Variants in ANO7 observed in about 807,000 individuals in gnomAD.
ANO7 encodes anoctamin-7.
ANO7 carries 114 observed loss-of-function variants against 115.8 expected under a neutral mutation model. The observed-to-expected ratio is 0.98, with a 90% CI of 0.85 to 1.15. ANO7 has a LOEUF of 1.15. Among genes scored for constraint, ANO7 ranks in the 50% most tolerant of loss-of-function variants. ANO7 has a pLI of 0.00. For synonymous variants in ANO7, 550 were observed against 498.2 expected, an observed-to-expected ratio of 1.10 and a Z score of -1.38; for missense variants, 1,302 against 1,201.2, an observed-to-expected ratio of 1.08 and a Z score of -1.24.
chr2:241,204,865 G>C lies in ANO7; in HGVS notation c.890G>C (p.Gly297Ala). ...TGGACCCCTGCCATCCTCTCTACAGGGTTTTACACAGGCTGGCTCCTGCCA... is the reference window on the plus strand; with the variant it reads ...TGGACCCCTGCCATCCTCTCTACAGCGTTTTACACAGGCTGGCTCCTGCCA... ...EKVALYFAWL[G>A]FYTGWLLPAA... Residue 297 changes from glycine (G) to alanine (A), a missense_variant and splice_region_variant, in exon 10 of 25, where the codon GGG (glycine) becomes GCG (alanine). Transcript: ENST00000674324. 6.2e-7 allele frequency: 1 copy of C among 1,613,610 alleles called. No homozygotes were observed. The highest frequency in any genetic ancestry group is 1.1e-5 in the South Asian group (1 of 91,056).
downstream of ANO7, chr2:241,230,341 C>A: frequency 1.1e-6 from 1 of 941,528 alleles, no homozygotes; most frequent in South Asian, 1.6e-5. The surrounding 1 kb of genome is among the most constrained non-coding windows in gnomAD (Gnocchi z 5.0). Flanking sequence ...GTGTCAATTT[C>A]TAGTGAAGCA....
chr2:241,190,224 G>T, intron 2 of ANO7, 53 bp downstream of exon 2: 1 of 1,468,244 alleles, frequency 6.8e-7, no homozygotes, highest in Non-Finnish European at 9.2e-7. Context: ...CCCCTGCCTG[G>T]GTCTATGCCC....
At chr2:241,199,548 C>T (rs2068421272) in intron 5 of ANO7, 125 bp downstream of exon 5, 1 of 901,934 alleles carries the variant, frequency 1.1e-6, no homozygotes, top group Non-Finnish European at 1.7e-6. Context: ...CTCCTCCTAC[C>T]CACCCCGACA....
At chr2:241,218,743 C>T (rs775473581) in intron 21 of ANO7, among the ~76,000 whole-genome samples, 1 of 152,136 alleles carries the variant, frequency 6.6e-6, no homozygotes, top group Non-Finnish European at 1.5e-5. Flanking sequence ...CGGAGCTCGC[C>T]GAAAAAGAAA....
chr2:241,194,720 C>T (rs1338240699), intron 3 of ANO7, among the ~76,000 whole-genome samples: 4 of 152,190 alleles, frequency 2.6e-5, no homozygotes, highest in African/African-American at 9.7e-5. Context: ...AGTTATTGTT[C>T]ATCTCTTACT....
At chr2:241,207,523 AG>A in intron 10 of ANO7, 50 bp from the exon 11 acceptor site, 1 of 1,531,278 alleles carries the variant, frequency 6.5e-7, no homozygotes. Context: ...GGGAGGAGCA[AG>A]CAGCCCCCCT....
intron 11 of ANO7, among the ~76,000 whole-genome samples, chr2:241,209,009 C>G (rs556215471): frequency 9.9e-5 from 15 of 152,136 alleles, no homozygotes; most frequent in African/African-American, 3.1e-4. Context: ...TTTAGCCGGG[C>G]GTGGTGGCGG....
At chr2:241,238,864 C>T in the ANO7 span, 2 of 1,215,426 alleles carry the variant, frequency 1.6e-6, no homozygotes, top group Non-Finnish European at 2.3e-6. This position sits in a 1 kb window ranked among gnomAD's most constrained non-coding sequence, Gnocchi z 4.9. Context: ...GCACTCTTCA[C>T]ACCACCTTCC....
chr2:241,236,894 C>T, the ANO7 span: 1 of 951,738 alleles, frequency 1.1e-6, no homozygotes, highest in African/African-American at 1.7e-5. Context: ...GAAAACCACT[C>T]CTGTCCTTCA....
At chr2:241,221,963 G>A (rs374139106) in intron 21 of ANO7, among the ~76,000 whole-genome samples, 58 of 152,236 alleles carry the variant, frequency 3.8e-4, no homozygotes, top group African/African-American at 1.1e-3. Context: ...GGCCGGGCGC[G>A]GGGGCTCATG....
the ANO7 span, chr2:241,236,345 G>A: frequency 2.4e-4 from 122 of 499,236 alleles, no homozygotes; most frequent in African/African-American, 1.3e-3. Context: ...CACAGCCCCC[G>A]CACCCACCGT....
intron 3 of ANO7, 57 bp downstream of exon 3, chr2:241,191,308 C>T: frequency 6.3e-7 from 1 of 1,598,412 alleles, no homozygotes; most frequent in Non-Finnish European, 8.6e-7. Flanking sequence ...GTGGGGACAC[C>T]ACGGGGGTGC....
intron 6 of ANO7, 67 bp downstream of exon 6, chr2:241,200,292 C>A (rs185388341): frequency 4.7e-5 from 74 of 1,560,516 alleles, no homozygotes; most frequent in Admixed American, 2.4e-4. Flanking sequence ...AATGAGTGAG[C>A]GGAACTTGGT....
the ANO7 span, chr2:241,234,091 G>A: frequency 9.5e-7 from 1 of 1,054,414 alleles, no homozygotes; most frequent in Non-Finnish European, 1.4e-6. Context: ...GTCCGGAATG[G>A]TCCGCCATCT....
At chr2:241,232,923 C>G in the ANO7 span, among the ~76,000 whole-genome samples, 3 of 151,882 alleles carry the variant, frequency 2.0e-5, no homozygotes, top group African/African-American at 4.8e-5. Context: ...GAGGGCCCTC[C>G]TGGCCTGGCT....
intron 1 of ANO7, 77 bp from the exon 2 acceptor site, chr2:241,189,980 C>G: frequency 8.8e-7 from 1 of 1,130,362 alleles, no homozygotes. Context: ...TCACTGCAGG[C>G]AGTGTGGTGG....
intron 2 of ANO7, 147 bp from the exon 3 acceptor site, chr2:241,191,047 C>T (rs997563993): frequency 2.2e-5 from 20 of 910,644 alleles, no homozygotes; most frequent in East Asian, 1.2e-4. Context: ...ACCCACCCGC[C>T]GAACATTCTT....
intron 4 of ANO7, among the ~76,000 whole-genome samples, chr2:241,197,876 C>T (rs182619703): frequency 1.3e-5 from 2 of 152,196 alleles, no homozygotes; most frequent in Non-Finnish European, 2.9e-5. Context: ...GTCATGAACT[C>T]CTGACCTCAA....
the ANO7 span, chr2:241,238,546 C>A: frequency 1.0e-6 from 1 of 956,254 alleles, no homozygotes; most frequent in Non-Finnish European, 1.5e-6. The surrounding 1 kb of genome is among the most constrained non-coding windows in gnomAD (Gnocchi z 4.9). Flanking sequence ...GATGGTTTTC[C>A]AGCAGAGACA....
Sources: allele counts gnomAD v4.1 joint callset (sites outside exome capture counted in the v4.1 genomes callset), GRCh38; gene constraint gnomAD v4.1.1; non-coding constraint Gnocchi (gnomAD v3.1); transcripts MANE v1.5; gene names NCBI Gene and HGNC (gene_info 2026-07-23, HGNC 2026-07-21).